ACO2: variants seen among roughly 807,000 people sequenced by gnomAD.
The protein encoded by ACO2 is aconitase 2, also known as aconitate hydratase, mitochondrial.
A neutral mutation model predicts 84.5 loss-of-function variants in ACO2; 31 were observed. The ratio of observed to expected loss-of-function variants is 0.37; its 90% CI spans 0.28 to 0.50. The LOEUF (loss-of-function observed/expected upper bound fraction) is 0.50. Ranked by LOEUF, ACO2 falls within the 20% of genes least tolerant of loss-of-function variation. The pLI, the probability that ACO2 is intolerant of heterozygous loss-of-function variation, is 0.97. For synonymous variants in ACO2, 414 were observed against 412.7 expected, an observed-to-expected ratio of 1.00 and a Z score of -0.04; for missense variants, 685 against 1,029.3, an observed-to-expected ratio of 0.67 and a Z score of 4.58.
Position 41,526,472 on chromosome 22 carries a change from G to A in ACO2, c.1953+19G>A, listed in dbSNP as rs748694198. 1.2e-6 allele frequency: 2 copies of A among 1,603,208 alleles called. No individual in the cohort carries two copies. The highest frequency in any genetic ancestry group is 1.1e-5 in the South Asian group (1 of 90,230). ...CTACAAGGTGGGTCAGAGTTGATAGGGGCAATGCCAGTGGTCACTCCTGAA... is the reference window on the plus strand; with the variant it reads ...CTACAAGGTGGGTCAGAGTTGATAGAGGCAATGCCAGTGGTCACTCCTGAA... On this transcript the variant is annotated intron_variant, in intron 15 of 17. Coordinates refer to ENST00000216254, the MANE Select transcript of ACO2 (RefSeq NM_001098.3).
At chr22:41,503,150 G>A (rs1376678398) in intron 2 of ACO2, among the ~76,000 whole-genome samples, 1 of 152,100 alleles carries the variant, frequency 6.6e-6, no homozygotes, top group East Asian at 1.9e-4. Context: ...GGCACTGGGA[G>A]TTTTTTAGTT....
intron 3 of ACO2, 63 bp from the exon 4 acceptor site, chr22:41,511,813 T>TG (rs2146120108): frequency 7.7e-7 from 1 of 1,302,496 alleles, no homozygotes; most frequent in Non-Finnish European, 1.1e-6. Flanking sequence ...GGGGAGGGCT[T>TG]GGTGAGGGTC....
chr22:41,516,746 A>G (rs9611603), intron 6 of ACO2, among the ~76,000 whole-genome samples: 29,180 of 152,136 alleles, frequency 0.19, 3,613 homozygotes, highest in Admixed American at 0.38. Flanking sequence ...TTTTTGAGAC[A>G]GAGTCTAACT....
chr22:41,528,413 C>T (rs1271425396), intron 17 of ACO2, 66 bp from the exon 18 acceptor site: 12 of 1,576,482 alleles, frequency 7.6e-6, no homozygotes, highest in East Asian at 2.2e-5. Context: ...GTCTCCCTGA[C>T]CCCCCTGCGG....
At chr22:41,527,814 C>T (rs2066634804) in intron 16 of ACO2, 87 bp from the exon 17 acceptor site, 2 of 1,596,230 alleles carry the variant, frequency 1.3e-6, no homozygotes, top group African/African-American at 1.3e-5. Flanking sequence ...GGATTAGGGG[C>T]ATCTCCCAGA....
At chr22:41,528,135 G>T in intron 17 of ACO2, 113 bp downstream of exon 17, 1 of 1,492,376 alleles carries the variant, frequency 6.7e-7, no homozygotes. Flanking sequence ...CAGCTGGAAA[G>T]GCCCCCAGTT....
In ACO2 at chr22:41,525,453, C is replaced by T. The variant is rs1209999918; in HGVS notation, c.1761+105C>T. 6.6e-5 allele frequency: 93 copies of T among 1,412,154 alleles called. 1 individual carries two copies. The highest frequency in any genetic ancestry group is 7.9e-5 in the Non-Finnish European group (82 of 1,034,628). The allele number at this position is 1,412,154 out of a possible 1,614,324, so 87.5% of individuals were successfully genotyped here. A position where few individuals can be genotyped will look rare whatever the true frequency, so the allele number is the denominator to read the frequency against. ...CTGGAGGAAGTGAGCACAGTCAAGA[C>T]GCAGGTGGGAGATGGAAGGGAGGTT... On this transcript the variant is annotated intron_variant, in intron 14 of 17. Coordinates refer to ENST00000216254, the MANE Select transcript of ACO2 (RefSeq NM_001098.3).
At chr22:41,511,118 G>T (rs910545567) in intron 3 of ACO2, among the ~76,000 whole-genome samples, 2 of 152,030 alleles carry the variant, frequency 1.3e-5, no homozygotes, top group Admixed American at 6.6e-5. Context: ...TGATCTTCCT[G>T]CCTCGGCCTG....
chr22:41,473,433 G>T (rs1223963263), intron 1 of ACO2, among the ~76,000 whole-genome samples: 1 of 152,192 alleles, frequency 6.6e-6, no homozygotes, highest in African/African-American at 2.4e-5. Flanking sequence ...GAACCCAGGA[G>T]GTGGAGGTTG....
chr22:41,497,323 C>A (rs2066321463), intron 1 of ACO2, among the ~76,000 whole-genome samples: 1 of 152,124 alleles, frequency 6.6e-6, no homozygotes. Context: ...CCTGCCTCAG[C>A]CTCCCAAAGT....
intron 1 of ACO2, among the ~76,000 whole-genome samples, chr22:41,487,202 T>C (rs2146091918): frequency 6.6e-6 from 1 of 152,314 alleles, no homozygotes; most frequent in East Asian, 1.9e-4. Context: ...TTTCTTTCAG[T>C]TGCAAGTGCT....
At chr22:41,471,021 GA>G (rs2037940219) in intron 1 of ACO2, among the ~76,000 whole-genome samples, 1 of 152,206 alleles carries the variant, frequency 6.6e-6, no homozygotes. Context: ...TGGAAAGTAT[GA>G]GTATTAGACT....
Position 41,515,316 on chromosome 22 carries a change from G to A in ACO2, c.526-61G>A. 6.2e-7 allele frequency: 1 copy of A among 1,604,736 alleles called. No individual in the cohort carries two copies. On this transcript the variant is annotated intron_variant, in intron 4 of 17. Coordinates refer to ENST00000216254, the MANE Select transcript of ACO2 (RefSeq NM_001098.3). This position sits in a 1 kb window ranked among gnomAD's most constrained non-coding sequence, Gnocchi z 5.8. Reference sequence around the variant, plus strand: ...GGTTGGGAGGCCCCGGGTCAGTGGGGCCATTTTTTGGTATTCTCGGCTGAG... The same window carrying A: ...GGTTGGGAGGCCCCGGGTCAGTGGGACCATTTTTTGGTATTCTCGGCTGAG...
intron 13 of ACO2, 66 bp downstream of exon 13, chr22:41,525,034 A>G: frequency 1.2e-6 from 2 of 1,612,582 alleles, no homozygotes; most frequent in Non-Finnish European, 8.5e-7. Context: ...TCAACCTCAC[A>G]GCACCTCCTG....
At chr22:41,519,420 G>A (rs569563060) in intron 8 of ACO2, among the ~76,000 whole-genome samples, 2 of 152,310 alleles carry the variant, frequency 1.3e-5, no homozygotes, top group South Asian at 4.1e-4. Context: ...ACTGACGGAG[G>A]TTTACTGCAT....
chr22:41,509,836 G>C (rs1226688284), intron 3 of ACO2, among the ~76,000 whole-genome samples: 1 of 26,536 alleles, frequency 3.8e-5, no homozygotes, highest in Non-Finnish European at 8.0e-5. Flanking sequence ...TTTTTTTTTT[G>C]AGACAGAGTC....
chr22:41,485,690 G>A (rs112901593), intron 1 of ACO2, among the ~76,000 whole-genome samples: 6,142 of 151,814 alleles, frequency 0.04, 392 homozygotes, highest in African/African-American at 0.14. Flanking sequence ...TGATCCACCC[G>A]CCTTGGCCTC....
intron 4 of ACO2, chr22:41,512,204 A>G (rs187247904): frequency 4.9e-4 from 217 of 440,600 alleles, no homozygotes; most frequent in African/African-American, 4.2e-3. Flanking sequence ...GGTAACCAGC[A>G]TTTTAAGTGC....
At chr22:41,507,421 GGTT>G (rs776438917) in intron 2 of ACO2, among the ~76,000 whole-genome samples, 3 of 152,208 alleles carry the variant, frequency 2.0e-5, no homozygotes, top group Non-Finnish European at 2.9e-5. Context: ...TGGCTTTCTT[GGTT>G]GTTGTTGTTG....
Sources: allele counts gnomAD v4.1 joint callset (sites outside exome capture counted in the v4.1 genomes callset), GRCh38; gene constraint gnomAD v4.1.1; non-coding constraint Gnocchi (gnomAD v3.1); transcripts MANE v1.5; gene names NCBI Gene and HGNC (gene_info 2026-07-23, HGNC 2026-07-21).